Variants in MVB12B observed in about 807,000 individuals in gnomAD.
MVB12B encodes the protein multivesicular body subunit 12B.
In MVB12B, 16 loss-of-function variants were observed where a neutral mutation model predicts 41.6. That is an observed-to-expected ratio of 0.38 (90% CI 0.26 to 0.58). MVB12B has a LOEUF of 0.58. Among genes scored for constraint, MVB12B ranks in the 20% least tolerant of loss-of-function variants. MVB12B has a pLI of 0.62. For synonymous variants in MVB12B, 133 were observed against 139.7 expected (o/e 0.95, Z 0.34); for missense variants, 274 against 380.2 (o/e 0.72, Z 2.32).
chr9:126,352,913 A>G (rs750202597), intron 2 of MVB12B, among the ~76,000 whole-genome samples: 3 of 152,244 alleles, frequency 2.0e-5, no homozygotes, highest in Non-Finnish European at 4.4e-5. Context: ...GTGTGCTTGT[A>G]AAATACTTGC....
intron 2 of MVB12B, among the ~76,000 whole-genome samples, chr9:126,366,015 C>G (rs1387377402): frequency 6.6e-6 from 1 of 152,146 alleles, no homozygotes; most frequent in African/African-American, 2.4e-5. Flanking sequence ...ATTTCCACAT[C>G]TTCCTGCCTG....
In MVB12B at chr9:126,483,993, G is replaced by A. The variant is rs769987154; in HGVS notation, c.834G>A (p.Leu278=). 5.6e-6 allele frequency: 9 copies of A among 1,613,928 alleles called. No homozygotes were observed. In the African/African-American group the frequency reaches 1.1e-4, roughly 19 times the overall value. ...TTCAGATGCAGCCCTTTGATCTCCTGGGAATCACCATCAAATCTCTAGCAG... is the reference window on the plus strand; with the variant it reads ...TTCAGATGCAGCCCTTTGATCTCCTAGGAATCACCATCAAATCTCTAGCAG... ...VPESMQPFDL[L]GITIKSLAEI... Residue 278 remains leucine, a synonymous_variant, in exon 9 of 10, where the codon CTG becomes CTA. Coordinates refer to ENST00000361171, the MANE Select transcript of MVB12B (RefSeq NM_033446.3).
At chr9:126,445,469 A>T (rs952710648) in intron 7 of MVB12B, among the ~76,000 whole-genome samples, 3 of 151,848 alleles carry the variant, frequency 2.0e-5, no homozygotes, top group African/African-American at 7.3e-5. Flanking sequence ...ACACCTGGCT[A>T]ATTTTTGTAT....
At chr9:126,347,798 T>A (rs1405689654) in intron 2 of MVB12B, among the ~76,000 whole-genome samples, 2 of 152,226 alleles carry the variant, frequency 1.3e-5, no homozygotes, top group Non-Finnish European at 2.9e-5. Flanking sequence ...ATGGCAGATA[T>A]CAAGTGGAAA....
At chr9:126,338,871 A>G (rs1444839293) in intron 1 of MVB12B, among the ~76,000 whole-genome samples, 1 of 152,160 alleles carries the variant, frequency 6.6e-6, no homozygotes, top group African/African-American at 2.4e-5. Flanking sequence ...ATTCACTCAA[A>G]TATTTACTTA....
At chr9:126,341,506 C>T (rs1045567750) in intron 2 of MVB12B, among the ~76,000 whole-genome samples, 5 of 152,162 alleles carry the variant, frequency 3.3e-5, no homozygotes, top group Admixed American at 6.5e-5. Context: ...TGAAAGAACA[C>T]GAATCTCATT....
intron 4 of MVB12B, among the ~76,000 whole-genome samples, chr9:126,390,742 C>T (rs1414461327): frequency 6.6e-6 from 1 of 152,074 alleles, no homozygotes; most frequent in Non-Finnish European, 1.5e-5. Context: ...GGGTGGATCA[C>T]GAGGTCAGGA....
chr9:126,481,556 C>T, intron 8 of MVB12B, 132 bp downstream of exon 8: 1 of 726,708 alleles, frequency 1.4e-6, no homozygotes, highest in Non-Finnish European at 2.5e-6. Flanking sequence ...TCTTGTCCGC[C>T]TGCGTGTCCT....
chr9:126,356,509 A>G (rs1469370221), intron 2 of MVB12B, among the ~76,000 whole-genome samples: 1 of 151,996 alleles, frequency 6.6e-6, no homozygotes, highest in African/African-American at 2.4e-5. Context: ...TGAGTTTTGG[A>G]GTATGTATGT....
intron 9 of MVB12B, among the ~76,000 whole-genome samples, chr9:126,499,272 C>A (rs1264364371): frequency 6.6e-6 from 1 of 152,116 alleles, no homozygotes; most frequent in Non-Finnish European, 1.5e-5. Flanking sequence ...CCTCCAGGAC[C>A]CCTGGCAGAA....
At chr9:126,475,272 C>T (rs968174783) in intron 7 of MVB12B, among the ~76,000 whole-genome samples, 1 of 152,144 alleles carries the variant, frequency 6.6e-6, no homozygotes, top group East Asian at 1.9e-4. Flanking sequence ...GATGAGCATA[C>T]CCTGTGTGTC....
At chr9:126,415,409 C>T (rs1238161432) in intron 6 of MVB12B, among the ~76,000 whole-genome samples, 1 of 132,260 alleles carries the variant, frequency 7.6e-6, no homozygotes, top group Non-Finnish European at 1.7e-5. Context: ...TTTTAAAAGA[C>T]AGCCAAATAT....
chr9:126,345,736 CA>C (rs1281688667), intron 2 of MVB12B, among the ~76,000 whole-genome samples: 1 of 152,246 alleles, frequency 6.6e-6, no homozygotes, highest in African/African-American at 2.4e-5. Flanking sequence ...CACTTTCTCA[CA>C]TCCAGAATAA....
At chr9:126,360,817 CATT>C (rs772724971) in intron 2 of MVB12B, among the ~76,000 whole-genome samples, 1 of 152,336 alleles carries the variant, frequency 6.6e-6, no homozygotes, top group Non-Finnish European at 1.5e-5. Flanking sequence ...ACCCCTTCAT[CATT>C]ATTAAGTGAC....
chr9:126,383,022 C>A (rs1402199269), intron 3 of MVB12B, among the ~76,000 whole-genome samples: 1 of 152,146 alleles, frequency 6.6e-6, no homozygotes, highest in Non-Finnish European at 1.5e-5. Context: ...GTGCGTGGTG[C>A]ATATTGTTTT....
intron 7 of MVB12B, among the ~76,000 whole-genome samples, chr9:126,430,286 G>A (rs768438909): frequency 6.6e-5 from 10 of 152,004 alleles, no homozygotes; most frequent in African/African-American, 1.9e-4. Context: ...AGCCCCACCC[G>A]TGTCCCACCA....
chr9:126,361,711 C>G (rs1182075309), intron 2 of MVB12B, among the ~76,000 whole-genome samples: 1 of 151,974 alleles, frequency 6.6e-6, no homozygotes, highest in Non-Finnish European at 1.5e-5. Flanking sequence ...GTATAGAAAT[C>G]TAAGTTGGCA....
intron 6 of MVB12B, among the ~76,000 whole-genome samples, chr9:126,401,140 C>G (rs1256645655): frequency 6.6e-6 from 1 of 152,162 alleles, no homozygotes; most frequent in African/African-American, 2.4e-5. Context: ...TGTGACCTTT[C>G]CCTAACACTG....
intron 7 of MVB12B, among the ~76,000 whole-genome samples, chr9:126,475,130 C>T (rs938241818): frequency 1.3e-5 from 2 of 152,232 alleles, no homozygotes; most frequent in African/African-American, 4.8e-5. Flanking sequence ...CTACGAGACT[C>T]TTCATGGGTC....
Sources: gnomAD v4.1 joint callset for allele counts (sites outside exome capture counted in the v4.1 genomes callset) on GRCh38, gnomAD v4.1.1 for gene constraint, MANE v1.5 for transcripts, NCBI Gene and HGNC (gene_info 2026-07-23, HGNC 2026-07-21) for gene names.